Variants in LIMCH1 observed in about 807,000 individuals in gnomAD.
LIMCH1 encodes LIM and calponin homology domains-containing protein 1.
Under a neutral mutation model 176.5 loss-of-function variants are expected in LIMCH1, and 113 were observed. The ratio of observed to expected loss-of-function variants is 0.64; its 90% CI spans 0.55 to 0.75. The LOEUF (loss-of-function observed/expected upper bound fraction) is 0.75. Ranked by LOEUF, LIMCH1 falls within the 30% of genes least tolerant of loss-of-function variation. LIMCH1 has a pLI of 0.00. For synonymous variants in LIMCH1, 619 were observed against 645.9 expected, an observed-to-expected ratio of 0.96 and a Z score of 0.63; for missense variants, 1,674 against 1,814.9, an observed-to-expected ratio of 0.92 and a Z score of 1.41.
intron 1 of LIMCH1, among the ~76,000 whole-genome samples, chr4:41,542,218 T>C (rs948381944): frequency 6.6e-6 from 1 of 152,152 alleles, no homozygotes; most frequent in East Asian, 1.9e-4. Flanking sequence ...ATTCCAAGAA[T>C]GGAATGGCTG....
chr4:41,510,357 G>A (rs1359239226), intron 2 of LIMCH1, among the ~76,000 whole-genome samples: 1 of 152,206 alleles, frequency 6.6e-6, no homozygotes, highest in Non-Finnish European at 1.5e-5. Context: ...GCCTGCCTGT[G>A]GGGTTACATG....
chr4:41,412,204 A>T (rs2059556752), intron 1 of LIMCH1, among the ~76,000 whole-genome samples: 1 of 152,150 alleles, frequency 6.6e-6, no homozygotes, highest in Admixed American at 6.5e-5. Context: ...TAAAGGTACA[A>T]ATTGAAGATT....
chr4:41,598,887 A>G (rs778625555), intron 1 of LIMCH1, 33 bp from the exon 2 acceptor site: 1 of 1,386,798 alleles, frequency 7.2e-7, no homozygotes, highest in East Asian at 2.3e-5. Context: ...AATCTAAGAT[A>G]ATATAGACTT....
intron 1 of LIMCH1, among the ~76,000 whole-genome samples, chr4:41,419,611 CTTCCTTCCT>C (rs2060323867): frequency 1.1e-5 from 1 of 87,032 alleles, no homozygotes; most frequent in African/African-American, 9.5e-5. Flanking sequence ...TCCGTCCTTC[CTTCCTTCCT>C]TCCTTCCTTC....
intron 1 of LIMCH1, among the ~76,000 whole-genome samples, chr4:41,595,948 G>A (rs1032272711): frequency 6.6e-6 from 1 of 151,606 alleles, no homozygotes; most frequent in African/African-American, 2.4e-5. Flanking sequence ...TACTCAGGAG[G>A]CTGAGGCAGT....
intron 1 of LIMCH1, among the ~76,000 whole-genome samples, chr4:41,416,897 A>G (rs968665212): frequency 1.3e-5 from 2 of 152,160 alleles, no homozygotes; most frequent in Non-Finnish European, 2.9e-5. Flanking sequence ...GGACTTACAA[A>G]TAGAACCAGT....
At chr4:41,388,399 G>A (rs2056773819) in intron 1 of LIMCH1, among the ~76,000 whole-genome samples, 1 of 152,208 alleles carries the variant, frequency 6.6e-6, no homozygotes, top group Non-Finnish European at 1.5e-5. Flanking sequence ...TGTACATTGT[G>A]TTATTCCATT....
intron 1 of LIMCH1, among the ~76,000 whole-genome samples, chr4:41,394,796 T>C (rs912861833): frequency 6.6e-6 from 1 of 152,174 alleles, no homozygotes; most frequent in African/African-American, 2.4e-5. Context: ...ATCTGAGTGC[T>C]TGGAGGCCTT....
At chr4:41,543,785 T>A (rs536150384) in intron 1 of LIMCH1, among the ~76,000 whole-genome samples, 1 of 152,284 alleles carries the variant, frequency 6.6e-6, no homozygotes, top group East Asian at 1.9e-4. Context: ...ATGGAGCACA[T>A]GTGGTGTGTA....
intron 1 of LIMCH1, among the ~76,000 whole-genome samples, chr4:41,433,568 T>TTAG (rs572735097): frequency 7.2e-5 from 11 of 152,188 alleles, no homozygotes; most frequent in Non-Finnish European, 1.5e-4. Context: ...CCACGTGGCC[T>TTAG]TTCTACCTGG....
intron 1 of LIMCH1, among the ~76,000 whole-genome samples, chr4:41,486,739 G>A (rs1169724308): frequency 6.6e-6 from 1 of 151,880 alleles, no homozygotes; most frequent in East Asian, 1.9e-4. Flanking sequence ...TTCTTAGAGG[G>A]GATGGGAGCA....
chr4:41,426,108 G>C (rs1284192080), intron 1 of LIMCH1, among the ~76,000 whole-genome samples: 2 of 136,828 alleles, frequency 1.5e-5, no homozygotes, highest in African/African-American at 5.5e-5. Context: ...TGCAAGTTCC[G>C]CCTCCCGGGT....
In LIMCH1 at chr4:41,646,269, T is replaced by A; in HGVS notation, c.2400T>A (p.Ile800=). ...RRKSIKTYRE[I]VQEKERRERE... is the part of the protein sequence containing the mutation. ...AAAGCATCAAAACCTACAGAGAAAT[T>A]GTTCAAGAAAAGTGAGTTCTTTCTG... Residue 800 remains isoleucine (I), a synonymous_variant, in exon 16 of 32, where the codon ATT becomes ATA. Coordinates refer to ENST00000503057, the MANE Select transcript of LIMCH1 (RefSeq NM_001330672.2). The A allele has an allele frequency of 6.2e-7, 1 of 1,607,576 alleles. No individual in the cohort carries two copies. Among genetic ancestry groups the A allele is most frequent in the Non-Finnish European group, 8.5e-7 (1 of 1,178,570 alleles).
intron 17 of LIMCH1, among the ~76,000 whole-genome samples, chr4:41,649,709 GC>G (rs1288469197): frequency 2.0e-5 from 3 of 152,200 alleles, no homozygotes; most frequent in Non-Finnish European, 4.4e-5. Context: ...ATTTCCAGAT[GC>G]CTTTCAGTAA....
At chr4:41,441,565 G>A (rs984222132) in intron 1 of LIMCH1, among the ~76,000 whole-genome samples, 9 of 152,144 alleles carry the variant, frequency 5.9e-5, no homozygotes, top group South Asian at 2.1e-4. Flanking sequence ...CACCCTCAAC[G>A]TCTAAAATAT....
upstream of LIMCH1, chr4:41,360,611 C>G (rs1425165080): frequency 3.7e-6 from 1 of 269,956 alleles, no homozygotes; most frequent in Non-Finnish European, 6.9e-6. The surrounding 1 kb of genome is among the most constrained non-coding windows in gnomAD (Gnocchi z 4.5). Flanking sequence ...CGCCTCCGCG[C>G]TCGCTCCCGC....
chr4:41,460,049 A>G (rs902125503), intron 1 of LIMCH1, among the ~76,000 whole-genome samples: 12 of 152,114 alleles, frequency 7.9e-5, no homozygotes, highest in African/African-American at 2.4e-4. Flanking sequence ...AGCCTGGGAA[A>G]TTTAAGTTCC....
chr4:41,659,588 C>T (rs530317486), intron 18 of LIMCH1, among the ~76,000 whole-genome samples: 16 of 152,106 alleles, frequency 1.1e-4, no homozygotes, highest in African/African-American at 2.4e-4. Flanking sequence ...TTATGAGAGA[C>T]GAATAAATTC....
chr4:41,462,990 C>T (rs2154154001), intron 1 of LIMCH1, among the ~76,000 whole-genome samples: 1 of 151,878 alleles, frequency 6.6e-6, no homozygotes, highest in South Asian at 2.1e-4. Flanking sequence ...TGTGAAAGAC[C>T]AGAGCAATTT....
Sources: gnomAD v4.1 joint callset for allele counts (sites outside exome capture counted in the v4.1 genomes callset) on GRCh38, gnomAD v4.1.1 for gene constraint, Gnocchi (gnomAD v3.1) non-coding constraint, MANE v1.5 for transcripts, NCBI Gene and HGNC (gene_info 2026-07-23, HGNC 2026-07-21) for gene names.